ITSN1: variants seen among roughly 807,000 people sequenced by gnomAD.
The protein encoded by ITSN1 is intersectin-1.
In ITSN1, 58 loss-of-function variants were observed where a neutral mutation model predicts 239.8. The ratio of observed to expected loss-of-function variants is 0.24; its 90% CI spans 0.20 to 0.30. ITSN1 has a LOEUF of 0.30. ITSN1 is among the 10% of genes least tolerant of loss of function. The probability of loss-of-function intolerance (pLI) is 1.00; values close to 1 mark genes in which losing one functional copy is unlikely to be tolerated. For synonymous variants in ITSN1, 780 were observed against 770.8 expected (o/e 1.01, Z -0.20); for missense variants, 1,558 against 2,103.3 (o/e 0.74, Z 5.07).
At chr21:33,805,926 G>A (rs1361412037) in intron 20 of ITSN1, among the ~76,000 whole-genome samples, 5 of 148,746 alleles carry the variant, frequency 3.4e-5, no homozygotes, top group Admixed American at 1.3e-4. Flanking sequence ...TTTTAAGGCC[G>A]GGCGCGGTGG....
intron 19 of ITSN1, among the ~76,000 whole-genome samples, chr21:33,800,889 A>C (rs188707960): frequency 3.5e-5 from 5 of 144,138 alleles, no homozygotes; most frequent in Admixed American, 1.4e-4. Flanking sequence ...ATATTGGCTC[A>C]CTGCAACCTC....
intron 29 of ITSN1, among the ~76,000 whole-genome samples, chr21:33,850,710 G>A (rs955613320): frequency 9.9e-5 from 15 of 152,216 alleles, no homozygotes; most frequent in Non-Finnish European, 1.0e-4. Context: ...AGGGTAAAGG[G>A]ACATAGTGTT....
chr21:33,654,084 G>T (rs981444925), intron 1 of ITSN1, among the ~76,000 whole-genome samples: 4 of 151,026 alleles, frequency 2.6e-5, no homozygotes, highest in African/African-American at 9.8e-5. Flanking sequence ...GTCTCACTCT[G>T]TCACCCAGGC....
intron 4 of ITSN1, among the ~76,000 whole-genome samples, chr21:33,733,038 A>G (rs2147236045): frequency 6.6e-6 from 1 of 152,274 alleles, no homozygotes; most frequent in South Asian, 2.1e-4. Flanking sequence ...CAGTTTTTGG[A>G]TCCCAGTAGG....
rs1171241061 is a variant in ITSN1 at position 33,828,974 on chromosome 21, C to A, written c.3230-650C>A. On this transcript the variant is annotated intron_variant, in intron 26 of 39. Transcript: ENST00000381318. ...GTTCCCTTCTTAACTCCAGGTCCCT[C>A]CTGTAACGTGAAATAAAAAGAAAGA... The A allele has an allele frequency of 6.4e-6, 3 of 471,620 alleles. No homozygotes were observed. In the East Asian group the frequency reaches 2.1e-4, roughly 33 times the overall value. The allele number at this position is 471,620 out of a possible 1,614,324, so 29.2% of individuals were successfully genotyped here.
chr21:33,746,085 T>C lies in ITSN1; in HGVS notation c.347-4058T>C, dbSNP rs147950501. ...GCTACAAAGATGCAGGTGCAATCCG[T>C]AAAAAGCCAGGCTTAAAGATAAAAA... On this transcript the variant is annotated intron_variant, in intron 5 of 39. Transcript: ENST00000381318. 4.7e-3 allele frequency among the ~76,000 whole-genome samples: 720 copies of C among 152,268 alleles called. 6 individuals are homozygous for C. The highest frequency in any genetic ancestry group is 0.01 in the Middle Eastern group (3 of 294).
chr21:33,776,386 TAA>T (rs577351835), intron 14 of ITSN1, among the ~76,000 whole-genome samples: 29 of 126,166 alleles, frequency 2.3e-4, no homozygotes, highest in East Asian at 1.3e-3. Context: ...ACCCCATCTC[TAA>T]AAAAAAAAAA....
intron 1 of ITSN1, among the ~76,000 whole-genome samples, chr21:33,701,805 A>G (rs1218317649): frequency 1.3e-5 from 2 of 150,696 alleles, no homozygotes; most frequent in South Asian, 2.1e-4. Context: ...AAAAAAAAAA[A>G]GGCCGGAATC....
At chr21:33,792,436 A>G (rs1317528272) in intron 16 of ITSN1, among the ~76,000 whole-genome samples, 3 of 152,126 alleles carry the variant, frequency 2.0e-5, no homozygotes, top group Non-Finnish European at 2.9e-5. Context: ...ACTTTTAAGT[A>G]TAGTCTTTTG....
At chr21:33,833,758 G>C (rs1217359307) in intron 27 of ITSN1, among the ~76,000 whole-genome samples, 1 of 151,998 alleles carries the variant, frequency 6.6e-6, no homozygotes, top group Non-Finnish European at 1.5e-5. Context: ...TGTAGTCCCA[G>C]CTACTCAGGA....
At chr21:33,861,273 G>C (rs1980472775) in intron 31 of ITSN1, among the ~76,000 whole-genome samples, 1 of 152,094 alleles carries the variant, frequency 6.6e-6, no homozygotes. Context: ...GGGAGATCGA[G>C]GGCTCCTAGC....
rs1363451204 is a variant in ITSN1, at chr21:33,890,592, A to G, written c.*2292A>G. ...ACTGGTGTAATTTGTAATGTAACCA[A>G]TTGTCCGTATGGAGGAGTCGGGCTG... On this transcript the variant is annotated 3_prime_UTR_variant, in exon 40 of 40. Coordinates refer to ENST00000381318, the MANE Select transcript of ITSN1 (RefSeq NM_003024.3). The G allele has an allele frequency of 1.3e-5, 2 of 152,118 alleles. No individual in the cohort carries two copies. Among genetic ancestry groups the G allele is most frequent in the African/African-American group, 4.8e-5 (2 of 41,420 alleles). 9.4% of individuals were successfully genotyped at this position (152,118 alleles called of 1,614,324 possible). A position where few individuals can be genotyped will look rare whatever the true frequency, so the allele number is the denominator to read the frequency against.
At chr21:33,803,438 G>A (rs527968774) in intron 20 of ITSN1, among the ~76,000 whole-genome samples, 1 of 152,228 alleles carries the variant, frequency 6.6e-6, no homozygotes, top group South Asian at 2.1e-4. Flanking sequence ...CATCAGTAAA[G>A]GGATGGCTTA....
At chr21:33,759,343 T>C (rs2834258) in intron 8 of ITSN1, among the ~76,000 whole-genome samples, 80,726 of 152,106 alleles carry the variant, frequency 0.53, 22,941 homozygotes, top group East Asian at 0.82. Flanking sequence ...AAAGTAGTTT[T>C]GTTAATGTCA....
At chr21:33,759,304 C>A (rs945085862) in intron 8 of ITSN1, among the ~76,000 whole-genome samples, 19 of 152,210 alleles carry the variant, frequency 1.2e-4, no homozygotes, top group African/African-American at 4.6e-4. Flanking sequence ...CCTCATTTCA[C>A]AGATGGAAGA....
intron 17 of ITSN1, among the ~76,000 whole-genome samples, chr21:33,796,036 T>C (rs1052795453): frequency 6.6e-6 from 1 of 151,780 alleles, no homozygotes; most frequent in Admixed American, 6.6e-5. Flanking sequence ...CGATCTCGGC[T>C]CACTGCAACC....
At chr21:33,888,002 C>A in intron 39 of ITSN1, 150 bp from the exon 40 acceptor site, 3 of 692,680 alleles carry the variant, frequency 4.3e-6, no homozygotes, top group Non-Finnish European at 7.0e-6. Flanking sequence ...CGCTGGGGAG[C>A]GAGTTGGAAA....
intron 17 of ITSN1, among the ~76,000 whole-genome samples, chr21:33,795,468 C>T (rs747065453): frequency 2.6e-5 from 4 of 152,044 alleles, no homozygotes; most frequent in South Asian, 2.1e-4. Context: ...ATTAAAAAGG[C>T]GAAGAAACGG....
At chr21:33,771,346 C>T (rs1035661627) in intron 11 of ITSN1, among the ~76,000 whole-genome samples, 2 of 152,056 alleles carry the variant, frequency 1.3e-5, no homozygotes, top group Non-Finnish European at 2.9e-5. Flanking sequence ...ATGAGTGCTC[C>T]CCTGGCCGGC....
Sources: allele counts gnomAD v4.1 joint callset (sites outside exome capture counted in the v4.1 genomes callset), GRCh38; gene constraint gnomAD v4.1.1; transcripts MANE v1.5; gene names NCBI Gene and HGNC (gene_info 2026-07-23, HGNC 2026-07-21).